Variants in SH3YL1 observed in about 807,000 individuals in gnomAD.
SH3YL1 encodes SH3 and SYLF domain containing 1.
SH3YL1 carries 41 observed loss-of-function variants against 45.8 expected under a neutral mutation model. That is an observed-to-expected ratio of 0.89 (90% confidence interval 0.70 to 1.16). The LOEUF is 1.16. Among genes scored for constraint, SH3YL1 ranks in the 50% most tolerant of loss-of-function variants. The probability of loss-of-function intolerance (pLI) is 0.00; values close to 1 mark genes in which losing one functional copy is unlikely to be tolerated. For synonymous variants in SH3YL1, 152 were observed against 151.4 expected (o/e 1.00, Z -0.03); for missense variants, 389 against 409.6 (o/e 0.95, Z 0.43).
At chr2:219,818 T>C (rs1667497872) in intron 9 of SH3YL1, among the ~76,000 whole-genome samples, 1 of 152,130 alleles carries the variant, frequency 6.6e-6, no homozygotes, top group South Asian at 2.1e-4. Context: ...CTGGGCTTTG[T>C]GGCTGTTTAC....
At chr2:242,714 G>A (rs964021311) in intron 4 of SH3YL1, 19 of 1,418,628 alleles carry the variant, frequency 1.3e-5, no homozygotes, top group Non-Finnish European at 1.8e-5. Context: ...GAGATTATTA[G>A]CATGGATAAA....
intron 2 of SH3YL1, among the ~76,000 whole-genome samples, chr2:250,369 T>C (rs1055102795): frequency 6.6e-6 from 1 of 152,240 alleles, no homozygotes; most frequent in African/African-American, 2.4e-5. Context: ...AATTTTCCAA[T>C]GTTAAAACAT....
chr2:252,054 T>A (rs1324581010), intron 2 of SH3YL1, among the ~76,000 whole-genome samples: 1 of 152,156 alleles, frequency 6.6e-6, no homozygotes, highest in African/African-American at 2.4e-5. Context: ...ATAGTGGTTT[T>A]CAAAGGCTCC....
chr2:233,484 C>G (rs971056358), intron 5 of SH3YL1, among the ~76,000 whole-genome samples: 5 of 152,198 alleles, frequency 3.3e-5, no homozygotes, highest in Non-Finnish European at 1.5e-5. Context: ...AAAAAGAATA[C>G]AGTGCAGCAT....
Position 218,825 on chromosome 2 carries a change from C to G in SH3YL1, c.1015G>C (p.Val339Leu). Reference protein sequence around the residue: ...GQTGIFPANYVTMN With the variant: ...GQTGIFPANYLTMN ...TAGTATACGCTTTAATTCATGGTTA[C>G]GTAGTTGGCTGGAAAAATGCCAGTT... is the stretch of plus-strand genomic sequence containing the variant. Residue 339 changes from valine to leucine, a missense_variant, in exon 10 of 10, where the codon GTA (valine) becomes CTA (leucine). Coordinates refer to ENST00000356150, the MANE Select transcript of SH3YL1 (RefSeq NM_015677.4). 1 of 1,612,818 alleles carries G rather than the reference C, an allele frequency of 6.2e-7. No individual in the cohort carries two copies. Among genetic ancestry groups the G allele is most frequent in the Non-Finnish European group, 8.5e-7 (1 of 1,179,270 alleles).
At chr2:240,842 T>G (rs902251804) in intron 4 of SH3YL1, 4 of 152,184 alleles carry the variant, frequency 2.6e-5, no homozygotes, top group Non-Finnish European at 5.9e-5. Context: ...TTCACAGTAG[T>G]GGGGCACAGA....
At chr2:262,628 C>T (rs1558257429) in intron 1 of SH3YL1, 3 of 1,304,308 alleles carry the variant, frequency 2.3e-6, no homozygotes, top group Non-Finnish European at 3.0e-6. Flanking sequence ...TGACGCCACT[C>T]ACTGGCAAAC....
chr2:253,208 A>G, intron 1 of SH3YL1, 93 bp from the exon 2 acceptor site: 1 of 764,556 alleles, frequency 1.3e-6, no homozygotes, highest in Non-Finnish European at 2.1e-6. Context: ...TACAATTGTC[A>G]GAGGTGTTCA....
chr2:232,972 T>G, intron 6 of SH3YL1, 129 bp downstream of exon 6: 1 of 665,040 alleles, frequency 1.5e-6, no homozygotes, highest in Non-Finnish European at 2.2e-6. Flanking sequence ...AATTTTTAAA[T>G]GTAAGATACA....
chr2:256,765 T>C (rs1467066743), intron 1 of SH3YL1: 1 of 152,250 alleles, frequency 6.6e-6, no homozygotes, highest in Non-Finnish European at 1.5e-5. Flanking sequence ...CCAGTTCATG[T>C]GGTAAATGTG....
At chr2:225,179 A>G (rs1256322644) in intron 8 of SH3YL1, among the ~76,000 whole-genome samples, 1 of 152,258 alleles carries the variant, frequency 6.6e-6, no homozygotes, top group Non-Finnish European at 1.5e-5. Context: ...TTATAAATTC[A>G]GATGACAATT....
intron 4 of SH3YL1, among the ~76,000 whole-genome samples, chr2:242,376 C>T (rs1668581341): frequency 6.6e-6 from 1 of 151,180 alleles, no homozygotes; most frequent in Admixed American, 6.6e-5. Context: ...ACAGTAATAG[C>T]ACAAAAAAGG....
intron 2 of SH3YL1, among the ~76,000 whole-genome samples, chr2:251,501 A>G (rs1484154659): frequency 6.6e-6 from 1 of 152,226 alleles, no homozygotes; most frequent in Non-Finnish European, 1.5e-5. Context: ...ACATGCAAAC[A>G]GAATTTCTTT....
At chr2:252,882 G>T in intron 2 of SH3YL1, 123 bp downstream of exon 2, 2 of 618,256 alleles carry the variant, frequency 3.2e-6, no homozygotes. Flanking sequence ...TGGAACAAAA[G>T]GTGGCTGAAC....
chr2:238,259 T>TGTGTGTGTGTGTGTGTGTG (rs1668391406), intron 4 of SH3YL1, among the ~76,000 whole-genome samples: 2 of 141,860 alleles, frequency 1.4e-5, no homozygotes, highest in African/African-American at 5.4e-5. Flanking sequence ...TCCTCCCTCC[T>TGTGTGTGTGTGTGTGTGTG]TGTGTGTGTG....
intron 8 of SH3YL1, among the ~76,000 whole-genome samples, chr2:227,318 T>G (rs1250033678): frequency 6.6e-6 from 1 of 152,088 alleles, no homozygotes; most frequent in Non-Finnish European, 1.5e-5. Context: ...TCCTGGTAAC[T>G]ATCTCAAAAA....
chr2:244,419 C>T (rs773454055), intron 4 of SH3YL1, among the ~76,000 whole-genome samples: 3 of 151,822 alleles, frequency 2.0e-5, no homozygotes, highest in Non-Finnish European at 4.4e-5. Context: ...TCACTTGAAC[C>T]CAGGAGGCAG....
intron 8 of SH3YL1, among the ~76,000 whole-genome samples, chr2:229,180 T>A (rs910329843): frequency 7.2e-5 from 11 of 152,090 alleles, no homozygotes; most frequent in African/African-American, 2.7e-4. Flanking sequence ...CAAAAATGAA[T>A]GATAGAGAGA....
intron 8 of SH3YL1, among the ~76,000 whole-genome samples, chr2:225,739 A>G (rs1034340970): frequency 1.3e-5 from 2 of 152,250 alleles, no homozygotes; most frequent in Admixed American, 1.3e-4. Context: ...GATTTCCTTC[A>G]CTGTGAAAAT....
Sources: gnomAD v4.1 joint callset for allele counts (sites outside exome capture counted in the v4.1 genomes callset) on GRCh38, gnomAD v4.1.1 for gene constraint, MANE v1.5 for transcripts, NCBI Gene and HGNC (gene_info 2026-07-23, HGNC 2026-07-21) for gene names.